SUPT7L: variants seen among roughly 807,000 people sequenced by gnomAD.
The protein encoded by SUPT7L is STAGA complex 65 subunit gamma.
A neutral mutation model predicts 35.7 loss-of-function variants in SUPT7L; 15 were observed. That is an observed-to-expected ratio of 0.42 (90% CI 0.28 to 0.65). SUPT7L has a LOEUF of 0.65. SUPT7L is among the 30% of genes least tolerant of loss of function. The pLI is 0.23. For missense variants in SUPT7L, 434 were observed against 522.2 expected (o/e 0.83, Z 1.65); for synonymous variants, 168 against 186.2 (o/e 0.90, Z 0.79).
At chr2:27,648,442 C>G (rs1422663373), downstream of SUPT7L, among the ~76,000 whole-genome samples, 1 of 151,980 alleles carries the variant, frequency 6.6e-6, no homozygotes, top group East Asian at 1.9e-4. Context: ...TTGCTTGAGC[C>G]CAGAAGTTTG....
downstream of SUPT7L, among the ~76,000 whole-genome samples, chr2:27,648,260 C>T (rs1481317972): frequency 1.3e-5 from 2 of 152,242 alleles, no homozygotes; most frequent in African/African-American, 4.8e-5. Flanking sequence ...TGGCTCATGC[C>T]TGTAATCCCA....
At chr2:27,644,810 A>G in the SUPT7L span, among the ~76,000 whole-genome samples, 1 of 148,498 alleles carries the variant, frequency 6.7e-6, no homozygotes, top group Non-Finnish European at 1.5e-5. Flanking sequence ...CAGCCTGCCA[A>G]CTAGTTTGGA....
In SUPT7L at chr2:27,655,552, C is replaced by G; in HGVS notation, c.795G>C (p.Lys265Asn). 5 of 1,613,202 alleles carry G rather than the reference C, an allele frequency of 3.1e-6. No individual in the cohort carries two copies. Among genetic ancestry groups the G allele is most frequent in the Non-Finnish European group, 4.2e-6 (5 of 1,179,668 alleles). The change falls in exon 5 of 6, where the codon AAG becomes AAC. Residue 265 changes from lysine to asparagine, a missense_variant. Physicochemically the swap from Lys to Asn is moderately conservative, Grantham distance 94 (BLOSUM62 0). Transcript: ENST00000337768. ...EEYERIVNPE[K>N]ATEDAKPVKI... The stretch of plus-strand genomic sequence containing the variant: ...TCACAGGTTTAGCGTCCTCTGTGGC[C>G]TTCTCAGGATTGACAATCCTTTCAT...
chr2:27,661,487 C>T, intron 2 of SUPT7L, 99 bp from the exon 3 acceptor site: 2 of 1,540,444 alleles, frequency 1.3e-6, no homozygotes, highest in Non-Finnish European at 1.7e-6. Flanking sequence ...AGATTATAGG[C>T]TTCTGTAGTG....
Position 27,662,176 on chromosome 2 carries a change from C to G in SUPT7L, c.14+3G>C. ...CAAAATTCACAATCTGGTTTCAACT[C>G]ACCTTTGCAGATTCATTGTCCATAT... On this transcript the variant is annotated splice_donor_region_variant and intron_variant, in intron 2 of 5. Transcript: ENST00000337768. 1 of 1,614,156 alleles carries G rather than the reference C, an allele frequency of 6.2e-7. No homozygotes were observed. The highest frequency in any genetic ancestry group is 1.1e-5 in the South Asian group (1 of 91,070).
chr2:27,656,578 C>A (rs1286871994), intron 4 of SUPT7L, among the ~76,000 whole-genome samples: 4 of 151,630 alleles, frequency 2.6e-5, no homozygotes, highest in Non-Finnish European at 5.9e-5. Flanking sequence ...TCCAGTCAAA[C>A]CATTATATTA....
At position 27,653,113 on chromosome 2, in the gene SUPT7L, G is replaced by A; in HGVS notation, c.*372C>T. On this transcript the variant is annotated 3_prime_UTR_variant, in exon 6 of 6. Coordinates refer to ENST00000337768, the MANE Select transcript of SUPT7L (RefSeq NM_014860.3). Reference sequence around the variant, plus strand: ...CTATTCAAGCACAGTTTTGAAGTTAGCAAACATCTAAATCCTCACATCTCT... The same window carrying A: ...CTATTCAAGCACAGTTTTGAAGTTAACAAACATCTAAATCCTCACATCTCT... 1 of 222,068 alleles carries A rather than the reference G, an allele frequency of 4.5e-6. No homozygotes were observed. The highest frequency in any genetic ancestry group is 9.1e-6 in the Non-Finnish European group (1 of 110,042). 13.8% of individuals were successfully genotyped at this position (222,068 alleles called of 1,614,324 possible).
At chr2:27,648,399 G>T (rs1247086313), downstream of SUPT7L, among the ~76,000 whole-genome samples, 2 of 152,000 alleles carry the variant, frequency 1.3e-5, no homozygotes, top group African/African-American at 4.8e-5. Context: ...CACACCTGTA[G>T]TTCAAGCTGT....
intron 5 of SUPT7L, among the ~76,000 whole-genome samples, chr2:27,654,116 CTTCT>C (rs1674686059): frequency 2.0e-5 from 3 of 152,140 alleles, no homozygotes; most frequent in African/African-American, 7.2e-5. Flanking sequence ...TCCTTCCTTC[CTTCT>C]TTTATGGGGC....
At position 27,663,546 on chromosome 2, in the gene SUPT7L, C is replaced by G. The variant is rs991029675; in HGVS notation, c.-307G>C. On this transcript the variant is annotated 5_prime_UTR_variant, in exon 1 of 6. Transcript: ENST00000337768. Reference sequence around the variant, plus strand: ...GTCGCAGAGCGGGCTGGGCGGCTGTCTGGACCTCGAGAGGCCTGAGGCAAG... The same window carrying G: ...GTCGCAGAGCGGGCTGGGCGGCTGTGTGGACCTCGAGAGGCCTGAGGCAAG... The G allele has an allele frequency of 2.0e-5, 11 of 564,026 alleles. No individual in the cohort carries two copies. The highest frequency in any genetic ancestry group is 1.4e-4 in the South Asian group (7 of 48,826). 34.9% of individuals were successfully genotyped at this position (564,026 alleles called of 1,614,324 possible). A position where few individuals can be genotyped will look rare whatever the true frequency, so the allele number is the denominator to read the frequency against.
At chr2:27,662,465 A>G (rs7586426) in intron 1 of SUPT7L, among the ~76,000 whole-genome samples, 184 bp from the exon 2 acceptor site, 151,001 of 152,300 alleles carry the variant, frequency 0.99, 74,864 homozygotes, top group East Asian at 1. Context: ...CATTTCCACA[A>G]TTGACACTTT....
At position 27,652,948 on chromosome 2, in the gene SUPT7L, TAAG is replaced by T. The variant is rs1183637571; in HGVS notation, c.*534_*536del. 1 of 155,192 alleles carries T rather than the reference TAAG, an allele frequency of 6.4e-6. No homozygotes were observed. The highest frequency in any genetic ancestry group is 1.4e-5 in the Non-Finnish European group (1 of 69,886). 9.6% of individuals were successfully genotyped at this position (155,192 alleles called of 1,614,324 possible). A position where few individuals can be genotyped will look rare whatever the true frequency, so the allele number is the denominator to read the frequency against. On this transcript the variant is annotated 3_prime_UTR_variant, in exon 6 of 6. Transcript: ENST00000337768. ...ACTTCAAAAGTAGCAAAAACAGTTT[TAAG>T]AAGGTGACTAATAGATAAGGTGTGT... is the stretch of plus-strand genomic sequence containing the variant.
chr2:27,647,556 A>G (rs981017777), downstream of SUPT7L, among the ~76,000 whole-genome samples: 2 of 152,216 alleles, frequency 1.3e-5, no homozygotes, highest in Non-Finnish European at 2.9e-5. Flanking sequence ...TGAGCCAGTA[A>G]AAAAGAATGA....
At chr2:27,642,956 TATACACACACAC>T in the SUPT7L span, among the ~76,000 whole-genome samples, 55 of 85,830 alleles carry the variant, frequency 6.4e-4, no homozygotes, top group Non-Finnish European at 1.0e-3. Flanking sequence ...TATATATATA[TATACACACACAC>T]ACACACACAC....
In SUPT7L at chr2:27,653,319, G is replaced by T; in HGVS notation, c.*166C>A. 9.9e-7 allele frequency: 1 copy of T among 1,011,120 alleles called. No homozygotes were observed. Among genetic ancestry groups the T allele is most frequent in the Non-Finnish European group, 1.4e-6 (1 of 709,746 alleles). 62.6% of individuals were successfully genotyped at this position (1,011,120 alleles called of 1,614,324 possible). On this transcript the variant is annotated 3_prime_UTR_variant, in exon 6 of 6. Transcript: ENST00000337768. ...AAAACTATAAAAACTGGATGCAAAA[G>T]TAAAATGCAACCTTGTTTGGTGACG... is the stretch of plus-strand genomic sequence containing the variant.
chr2:27,655,454 C>T lies in SUPT7L; in HGVS notation c.893G>A (p.Gly298Glu). Reference sequence around the variant, plus strand: ...CACTCCCATAGGCAGTGACTGGTCTCCAGAAGCAAGGTCAGCCTCCAGCTC... The same window carrying T: ...CACTCCCATAGGCAGTGACTGGTCTTCAGAAGCAAGGTCAGCCTCCAGCTC... ...SEELEADLAS[G>E]DQSLPMGVLG... The change falls in exon 5 of 6, where the codon GGA (glycine) becomes GAA (glutamate). Residue 298 changes from glycine to glutamate, a missense_variant. By Grantham distance (98) the Gly-to-Glu change is moderately conservative (BLOSUM62 -2). This residue lies in a region of SUPT7L where 159 missense variants were observed against 217.1 expected (regional missense o/e 0.73). Coordinates refer to ENST00000337768, the MANE Select transcript of SUPT7L (RefSeq NM_014860.3). 1.2e-6 allele frequency: 2 copies of T among 1,614,102 alleles called. No homozygotes were observed. Among genetic ancestry groups the T allele is most frequent in the Non-Finnish European group, 1.7e-6 (2 of 1,179,990 alleles).
downstream of SUPT7L, chr2:27,650,020 G>A: frequency 1.4e-6 from 1 of 722,280 alleles, no homozygotes; most frequent in Non-Finnish European, 2.5e-6. Flanking sequence ...AAGTTTCTTA[G>A]AAGTAATGTA....
intron 2 of SUPT7L, chr2:27,661,638 G>A (rs903196908): frequency 1.6e-5 from 22 of 1,349,526 alleles, no homozygotes; most frequent in Non-Finnish European, 1.9e-5. Context: ...GTTAGATGCT[G>A]GTTATTGTCA....
chr2:27,661,740 C>T (rs930019759), intron 2 of SUPT7L: 6 of 669,020 alleles, frequency 9.0e-6, no homozygotes, highest in Non-Finnish European at 1.3e-5. Flanking sequence ...GCTCTAGTAT[C>T]CCTATTTCCC....
Sources: allele counts gnomAD v4.1 joint callset (sites outside exome capture counted in the v4.1 genomes callset), GRCh38; gene constraint gnomAD v4.1.1; regional missense constraint gnomAD v4.1.1; transcripts MANE v1.5; gene names NCBI Gene and HGNC (gene_info 2026-07-23, HGNC 2026-07-21).